The following CDH13 variants were observed in gnomAD, a reference collection of about 807,000 sequenced individuals.
CDH13 encodes the protein cadherin 13.
In CDH13, 24 loss-of-function variants were observed where a neutral mutation model predicts 63.8. The observed-to-expected ratio is 0.38, with a 90% CI of 0.27 to 0.53. The LOEUF is 0.53. CDH13 is among the 20% of genes least tolerant of loss of function. CDH13 has a pLI of 0.85. For synonymous variants in CDH13, 503 were observed against 355.3 expected, an observed-to-expected ratio of 1.42 and a Z score of -4.67; for missense variants, 1,049 against 903.1, an observed-to-expected ratio of 1.16 and a Z score of -2.07.
intron 1 of CDH13, among the ~76,000 whole-genome samples, chr16:82,719,002 C>G (rs1379120760): frequency 6.6e-6 from 1 of 152,134 alleles, no homozygotes; most frequent in Admixed American, 6.5e-5. Flanking sequence ...GATGCCTGTG[C>G]CTTGACATTT....
intron 1 of CDH13, among the ~76,000 whole-genome samples, chr16:82,714,464 A>G (rs2151011913): frequency 6.6e-6 from 1 of 152,202 alleles, no homozygotes; most frequent in East Asian, 1.9e-4. Flanking sequence ...CTGTAATCTC[A>G]GCACTTTGAG....
At chr16:83,722,799 T>TA (rs111369801) in intron 10 of CDH13, among the ~76,000 whole-genome samples, 43 of 152,198 alleles carry the variant, frequency 2.8e-4, no homozygotes, top group African/African-American at 1.0e-3. Context: ...GTCATCTTAC[T>TA]AAAAAAGTTC....
chr16:83,147,092 A>G (rs1255100883), intron 4 of CDH13, among the ~76,000 whole-genome samples: 1 of 152,188 alleles, frequency 6.6e-6, no homozygotes, highest in Non-Finnish European at 1.5e-5. Flanking sequence ...CATCTTAAAA[A>G]AAAAGCCCAT....
intron 4 of CDH13, among the ~76,000 whole-genome samples, chr16:83,158,607 T>C (rs2037315447): frequency 6.6e-6 from 1 of 152,232 alleles, no homozygotes; most frequent in African/African-American, 2.4e-5. Context: ...GTAGATATAC[T>C]GCTCCAGCGT....
At chr16:83,007,511 A>G (rs1424264828) in intron 2 of CDH13, among the ~76,000 whole-genome samples, 3 of 152,084 alleles carry the variant, frequency 2.0e-5, no homozygotes, top group African/African-American at 7.2e-5. Flanking sequence ...AAATTTCCCT[A>G]AGGGCTAAAA....
rs577155045 is a variant in CDH13, at chr16:83,272,613, C to T, written c.636+55116C>T. On this transcript the variant is annotated intron_variant, in intron 5 of 13. Transcript: ENST00000567109. ...ACTCCTTACTGAGCTTCAGACCCAC[C>T]AGGCTGCAGAGAGACATCTCTAGCA... Among the ~76,000 whole-genome samples, 14 of 152,272 alleles carry T rather than the reference C, an allele frequency of 9.2e-5. No homozygotes were observed. The South Asian group carries it at 2.1e-3, about 23-fold the overall frequency.
intron 7 of CDH13, among the ~76,000 whole-genome samples, chr16:83,519,190 T>C (rs1469074317): frequency 2.0e-5 from 3 of 152,140 alleles, no homozygotes; most frequent in Non-Finnish European, 2.9e-5. Flanking sequence ...TTCCTACATA[T>C]AGGTGGAAGG....
chr16:82,994,390 C>T (rs1911980846), intron 2 of CDH13, among the ~76,000 whole-genome samples: 1 of 152,128 alleles, frequency 6.6e-6, no homozygotes, highest in Non-Finnish European at 1.5e-5. Context: ...AGCGGGGTGC[C>T]TGAGACCCCC....
chr16:82,754,200 C>G (rs1400818932), intron 1 of CDH13, among the ~76,000 whole-genome samples: 1 of 152,328 alleles, frequency 6.6e-6, no homozygotes, highest in South Asian at 2.1e-4. Context: ...GCATTAAGCA[C>G]TGACAAGAAC....
At position 82,970,556 on chromosome 16, in the gene CDH13, C is replaced by T. The variant is rs1209948804; in HGVS notation, c.158-61454C>T. Among the ~76,000 whole-genome samples the T allele has an allele frequency of 1.0e-4, 13 of 129,440 alleles. 1 individual carries two copies. The highest frequency in any genetic ancestry group is 5.0e-4 in the East Asian group (2 of 4,006). The allele number at this position is 129,440 out of a possible 152,430, so 84.9% of individuals were successfully genotyped here. A position where few individuals can be genotyped will look rare whatever the true frequency, so the allele number is the denominator to read the frequency against. On this transcript the variant is annotated intron_variant, in intron 2 of 13. Transcript: ENST00000567109. ...CTGGGACTACAGGCGCCCGCCACCG[C>T]GCCCGGCTAATTTTTTGTATTTTTA...
At chr16:83,147,417 A>C (rs73604251) in intron 4 of CDH13, among the ~76,000 whole-genome samples, 1,571 of 152,218 alleles carry the variant, frequency 0.01, 31 homozygotes, top group African/African-American at 0.036. Flanking sequence ...AGTAAATCTC[A>C]ACATTCCTCA....
chr16:82,853,556 G>A (rs2039576216), intron 1 of CDH13, among the ~76,000 whole-genome samples: 1 of 152,162 alleles, frequency 6.6e-6, no homozygotes, highest in African/African-American at 2.4e-5. Context: ...GACACAGAAG[G>A]TTACTTGCCC....
intron 1 of CDH13, among the ~76,000 whole-genome samples, chr16:82,652,407 T>A (rs1372399736): frequency 6.6e-6 from 1 of 152,220 alleles, no homozygotes; most frequent in African/African-American, 2.4e-5. Context: ...TCGTTATATA[T>A]CTTCTATCCT....
intron 5 of CDH13, among the ~76,000 whole-genome samples, chr16:83,297,033 G>C (rs2089616412): frequency 6.6e-6 from 1 of 152,164 alleles, no homozygotes; most frequent in South Asian, 2.1e-4. Flanking sequence ...ATGAAGGAGA[G>C]AGGGACTTCT....
At chr16:83,132,859 A>G (rs1201235545) in intron 4 of CDH13, among the ~76,000 whole-genome samples, 2 of 152,186 alleles carry the variant, frequency 1.3e-5, no homozygotes, top group Non-Finnish European at 2.9e-5. Context: ...TCTTCTTGAG[A>G]TGAACATCAC....
At chr16:83,124,336 G>A (rs551138227) in intron 3 of CDH13, among the ~76,000 whole-genome samples, 7 of 152,218 alleles carry the variant, frequency 4.6e-5, no homozygotes, top group East Asian at 1.9e-4. Flanking sequence ...GTGAGCCACC[G>A]CACCCGGCCT....
intron 2 of CDH13, among the ~76,000 whole-genome samples, chr16:82,894,525 C>G (rs991629244): frequency 6.6e-6 from 1 of 152,092 alleles, no homozygotes; most frequent in Non-Finnish European, 1.5e-5. Flanking sequence ...ACCTGTAACC[C>G]CAGCTACTTG....
intron 7 of CDH13, among the ~76,000 whole-genome samples, chr16:83,577,944 T>C (rs1399972031): frequency 6.6e-6 from 1 of 152,226 alleles, no homozygotes; most frequent in Non-Finnish European, 1.5e-5. Context: ...AATACATAAA[T>C]ACCTTTTCCA....
intron 1 of CDH13, among the ~76,000 whole-genome samples, chr16:82,691,680 A>C (rs1054605897): frequency 2.6e-5 from 4 of 152,188 alleles, no homozygotes; most frequent in Non-Finnish European, 5.9e-5. Context: ...GGTGACTTCC[A>C]GAAGCTGACT....
Sources: gnomAD v4.1 joint callset for allele counts (sites outside exome capture counted in the v4.1 genomes callset) on GRCh38, gnomAD v4.1.1 for gene constraint, MANE v1.5 for transcripts, NCBI Gene and HGNC (gene_info 2026-07-23, HGNC 2026-07-21) for gene names.